DNAH14: variants seen among roughly 807,000 people sequenced by gnomAD.
The protein encoded by DNAH14 is dynein axonemal heavy chain 14.
In DNAH14, 478 loss-of-function variants were observed where a neutral mutation model predicts 520.9. That is an observed-to-expected ratio of 0.92 (90% CI 0.85 to 0.99). The LOEUF (loss-of-function observed/expected upper bound fraction) is 0.99. DNAH14 is among the 50% of genes least tolerant of loss of function. The pLI is 0.00. For missense variants in DNAH14, 4,831 were observed against 5,234.5 expected, an observed-to-expected ratio of 0.92 and a Z score of 2.38; for synonymous variants, 1,581 against 1,757.2, an observed-to-expected ratio of 0.90 and a Z score of 2.51.
chr1:225,007,683 C>A, intron 10 of DNAH14, 139 bp downstream of exon 10: 1 of 528,076 alleles, frequency 1.9e-6, no homozygotes, highest in Non-Finnish European at 3.0e-6. Flanking sequence ...CTAACTGGTA[C>A]TATGTATTTA....
intron 1 of DNAH14, among the ~76,000 whole-genome samples, chr1:224,952,435 A>T (rs892724944): frequency 6.6e-6 from 1 of 152,222 alleles, no homozygotes; most frequent in African/African-American, 2.4e-5. Flanking sequence ...TGCATGTAAG[A>T]TGGAAACAAA....
intron 30 of DNAH14, among the ~76,000 whole-genome samples, chr1:225,146,165 A>G (rs1264386583): frequency 6.6e-6 from 1 of 152,230 alleles, no homozygotes; most frequent in Non-Finnish European, 1.5e-5. Context: ...AAAGCCTGCT[A>G]ATTAAAATAA....
At chr1:225,144,729 C>G (rs770711832) in intron 29 of DNAH14, 101 bp downstream of exon 29, 26 of 905,066 alleles carry the variant, frequency 2.9e-5, no homozygotes, top group Non-Finnish European at 4.3e-5. Flanking sequence ...TTAAGATGTT[C>G]ATTGCATTAA....
intron 17 of DNAH14, among the ~76,000 whole-genome samples, chr1:225,062,824 C>G (rs1011985606): frequency 6.6e-6 from 1 of 152,068 alleles, no homozygotes; most frequent in Non-Finnish European, 1.5e-5. Context: ...TAAAGATAGA[C>G]CTCAAAGAGA....
chr1:224,938,617 T>C (rs1010609693), intron 1 of DNAH14, among the ~76,000 whole-genome samples: 3 of 152,198 alleles, frequency 2.0e-5, no homozygotes, highest in African/African-American at 7.2e-5. Flanking sequence ...ACAACTACTA[T>C]GGAGAACAAT....
At chr1:224,991,606 GCTGGGATTA>G in intron 8 of DNAH14, among the ~76,000 whole-genome samples, 1 of 152,222 alleles carries the variant, frequency 6.6e-6, no homozygotes, top group East Asian at 1.9e-4. Context: ...CGCCTGAGTA[GCTGGGATTA>G]CAGGTGTCCG....
Position 224,936,599 on chromosome 1 carries a change from C to T in DNAH14, c.-34+6764C>T, listed in dbSNP as rs369599075. ...TAAAAAGTCTTCCATCAGAGAAAAGCCTGGGACCTGATGCCTTCACTGCTG... is the reference window on the plus strand; with the variant it reads ...TAAAAAGTCTTCCATCAGAGAAAAGTCTGGGACCTGATGCCTTCACTGCTG... On this transcript the variant is annotated intron_variant, in intron 1 of 85. Transcript: ENST00000682510. 9.9e-5 allele frequency among the ~76,000 whole-genome samples: 15 copies of T among 151,872 alleles called. No individual in the cohort carries two copies. The East Asian group carries it at 2.5e-3, about 25-fold the overall frequency.
chr1:224,937,527 T>A (rs539983514), intron 1 of DNAH14, among the ~76,000 whole-genome samples: 1 of 151,920 alleles, frequency 6.6e-6, no homozygotes, highest in Non-Finnish European at 1.5e-5. Flanking sequence ...AAGAAAACTA[T>A]GAAAATTTGA....
intron 10 of DNAH14, among the ~76,000 whole-genome samples, chr1:225,008,039 A>G (rs2064330501): frequency 6.6e-6 from 1 of 151,384 alleles, no homozygotes; most frequent in Non-Finnish European, 1.5e-5. Flanking sequence ...CCCATCATTT[A>G]CATTCGGTAT....
chr1:225,220,793 A>G (rs1382618261), intron 41 of DNAH14, among the ~76,000 whole-genome samples: 2 of 152,172 alleles, frequency 1.3e-5, no homozygotes, highest in Non-Finnish European at 2.9e-5. Flanking sequence ...ACAGAATTAG[A>G]AAAAAACTAC....
intron 23 of DNAH14, among the ~76,000 whole-genome samples, chr1:225,112,152 T>C (rs562073871): frequency 6.6e-6 from 1 of 152,330 alleles, no homozygotes; most frequent in South Asian, 2.1e-4. Flanking sequence ...GTATAACATG[T>C]GTCATCTTGG....
At chr1:225,331,012 G>A (rs1421196638) in intron 64 of DNAH14, among the ~76,000 whole-genome samples, 1 of 152,008 alleles carries the variant, frequency 6.6e-6, no homozygotes, top group African/African-American at 2.4e-5. Context: ...AACACTGTAA[G>A]GAAGGTTTAA....
At position 225,140,882 on chromosome 1, in the gene DNAH14, C is replaced by G; in HGVS notation, c.4369C>G (p.Leu1457Val). ...GTGTCATCTAGAAGAGGTTGCAGAC[C>G]TGGTAGTGCTGGATACTAGTAACTC... ...LMCHLEEVAD[L>V]VVLDTSNSRT... is the part of the protein sequence containing the mutation. Residue 1457 changes from leucine (L) to valine (V), a missense_variant, in exon 28 of 86, where the codon CTG becomes GTG. Coordinates refer to ENST00000682510, the MANE Select transcript of DNAH14 (RefSeq NM_001367479.1). The G allele has an allele frequency of 1.3e-6, 2 of 1,551,242 alleles. No individual in the cohort carries two copies. Among genetic ancestry groups the G allele is most frequent in the Non-Finnish European group, 1.7e-6 (2 of 1,146,920 alleles).
chr1:225,086,052 T>C (rs961110018), intron 21 of DNAH14, among the ~76,000 whole-genome samples: 1 of 151,770 alleles, frequency 6.6e-6, no homozygotes, highest in African/African-American at 2.4e-5. Context: ...TAACCATGGC[T>C]TATCACCAGT....
At chr1:225,390,321 C>T (rs1484854832) in intron 83 of DNAH14, among the ~76,000 whole-genome samples, 7 of 152,262 alleles carry the variant, frequency 4.6e-5, no homozygotes, top group South Asian at 2.1e-4. Flanking sequence ...TCAACATAAA[C>T]GTCCAGCAGC....
In DNAH14 at chr1:225,322,584, T is replaced by C. The variant is rs573070442; in HGVS notation, c.9336-80T>C. On this transcript the variant is annotated intron_variant, in intron 61 of 85. Coordinates refer to ENST00000682510, the MANE Select transcript of DNAH14 (RefSeq NM_001367479.1). ...TCCAAATGTGTGTTAAAAATCTGTG[T>C]ATATTGTCTTCTGAGATATTTACAG... 7.7e-6 allele frequency: 10 copies of C among 1,293,920 alleles called. No homozygotes were observed. In the East Asian group the frequency reaches 1.8e-4, roughly 24 times the overall value. The allele number at this position is 1,293,920 out of a possible 1,614,324, so 80.2% of individuals were successfully genotyped here.
Position 225,011,334 on chromosome 1 carries a change from T to G in DNAH14, c.1107+3790T>G, listed in dbSNP as rs370410049. Among the ~76,000 whole-genome samples the G allele has an allele frequency of 1.3e-3, 204 of 152,312 alleles. 8 individuals carry two copies. The South Asian group carries it at 0.041, about 31-fold the overall frequency. ...CATTGGTTTCAAAGAACTTAATCAT[T>G]TCTGCTTTAATTTTGTCATTTACCC... On this transcript the variant is annotated intron_variant, in intron 10 of 85. Coordinates refer to ENST00000682510, the MANE Select transcript of DNAH14 (RefSeq NM_001367479.1).
At chr1:224,985,052 C>T (rs551261138) in intron 8 of DNAH14, among the ~76,000 whole-genome samples, 17 of 152,078 alleles carry the variant, frequency 1.1e-4, no homozygotes, top group Admixed American at 2.0e-4. Context: ...TGGAAAACAG[C>T]GTGGAGATTC....
At chr1:225,122,442 T>G (rs943234774) in intron 26 of DNAH14, among the ~76,000 whole-genome samples, 2 of 152,202 alleles carry the variant, frequency 1.3e-5, no homozygotes, top group Non-Finnish European at 2.9e-5. Flanking sequence ...GACACTCTAC[T>G]GTGCCTCTAG....
Sources: gnomAD v4.1 joint callset for allele counts (sites outside exome capture counted in the v4.1 genomes callset) on GRCh38, gnomAD v4.1.1 for gene constraint, MANE v1.5 for transcripts, NCBI Gene and HGNC (gene_info 2026-07-23, HGNC 2026-07-21) for gene names.